Variants in CDK12 observed in about 807,000 individuals in gnomAD.
The protein encoded by CDK12 is cyclin dependent kinase 12, also known as cyclin-dependent kinase 12.
In CDK12, 17 loss-of-function variants were observed where a neutral mutation model predicts 133.8. That is an observed-to-expected ratio of 0.13 (90% CI 0.09 to 0.19). CDK12 has a LOEUF of 0.19. Ranked by LOEUF, CDK12 falls within the 10% of genes least tolerant of loss-of-function variation. The probability of loss-of-function intolerance (pLI) is 1.00; values close to 1 mark genes in which losing one functional copy is unlikely to be tolerated. For missense variants in CDK12, 1,508 were observed against 1,818.7 expected (o/e 0.83, Z 3.11); for synonymous variants, 694 against 683.6 (o/e 1.02, Z -0.24).
At chr17:39,541,195 G>C (rs899705195) in intron 1 of CDK12, among the ~76,000 whole-genome samples, 5 of 144,656 alleles carry the variant, frequency 3.5e-5, no homozygotes, top group African/African-American at 1.3e-4. Flanking sequence ...ACTTATGGGG[G>C]GCTCCCTAGG....
chr17:39,508,069 ATT>A (rs1193620604), intron 6 of CDK12, among the ~76,000 whole-genome samples: 1 of 151,886 alleles, frequency 6.6e-6, no homozygotes, highest in South Asian at 2.1e-4. Flanking sequence ...TGGATTTCAG[ATT>A]TTTTTTAGAT....
rs776402528 is a variant in CDK12 at position 39,530,668 on chromosome 17, G to T, written c.3825G>T (p.Pro1275=). 2 of 1,507,692 alleles carry T rather than the reference G, an allele frequency of 1.3e-6. No individual in the cohort carries two copies. The highest frequency in any genetic ancestry group is 1.2e-5 in the South Asian group (1 of 86,146). The allele number at this position is 1,507,692 out of a possible 1,614,324, so 93.4% of individuals were successfully genotyped here. ...RPPEPPGPPP[P]PPPPPLVEGD... The stretch of plus-strand genomic sequence containing the variant: ...CTGAGCCCCCCGGACCTCCACCGCC[G>T]CCACCTCCACCCCCTCTGGTTGAAG... The change falls in exon 14 of 14, where the codon CCG becomes CCT. Residue 1275 remains proline, a synonymous_variant. Coordinates refer to ENST00000447079, the MANE Select transcript of CDK12 (RefSeq NM_016507.4).
At chr17:39,524,353 A>C (rs967464914) in intron 11 of CDK12, among the ~76,000 whole-genome samples, 1 of 152,228 alleles carries the variant, frequency 6.6e-6, no homozygotes, top group Non-Finnish European at 1.5e-5. Context: ...AACTTGACCA[A>C]TACTGTTCTC....
chr17:39,495,227 G>A (rs935764025), intron 5 of CDK12, among the ~76,000 whole-genome samples: 5 of 151,696 alleles, frequency 3.3e-5, no homozygotes, highest in African/African-American at 4.8e-5. Flanking sequence ...TCAGGCATGC[G>A]CCATCATTCC....
intron 7 of CDK12, among the ~76,000 whole-genome samples, chr17:39,510,957 C>T (rs368053789): frequency 1.1e-4 from 15 of 133,052 alleles, no homozygotes; most frequent in East Asian, 5.1e-4. Context: ...GGCTCACGCC[C>T]GTAATCCCAG....
intron 11 of CDK12, among the ~76,000 whole-genome samples, chr17:39,524,457 T>C: frequency 6.6e-6 from 1 of 152,240 alleles, no homozygotes; most frequent in Non-Finnish European, 1.5e-5. Flanking sequence ...CCTTTCTCAC[T>C]ATGTAACTTT....
chr17:39,496,263 G>A (rs190746228), intron 5 of CDK12, among the ~76,000 whole-genome samples: 28 of 152,192 alleles, frequency 1.8e-4, no homozygotes, highest in Non-Finnish European at 2.8e-4. Flanking sequence ...ACAAAGCTGA[G>A]ATTAAAGGTT....
chr17:39,467,042 G>T (rs1436522644), intron 1 of CDK12, among the ~76,000 whole-genome samples: 1 of 151,822 alleles, frequency 6.6e-6, no homozygotes, highest in Non-Finnish European at 1.5e-5. Context: ...GCAGTGGTGC[G>T]ATCTCAGCTC....
At position 39,532,007 on chromosome 17, in the gene CDK12, A is replaced by G. The variant is rs1334518407; in HGVS notation, c.*691A>G. On this transcript the variant is annotated 3_prime_UTR_variant, in exon 14 of 14. Transcript: ENST00000447079. ...AAAAGATACGCCCTTCTCCCTGCACATAAAGCAGGTTGTAGAACGTGGCAT... is the reference window on the plus strand; with the variant it reads ...AAAAGATACGCCCTTCTCCCTGCACGTAAAGCAGGTTGTAGAACGTGGCAT... The G allele has an allele frequency of 1.3e-5, 3 of 233,724 alleles. No individual in the cohort carries two copies. Among genetic ancestry groups the G allele is most frequent in the African/African-American group, 2.2e-5 (1 of 45,330 alleles). 14.5% of individuals were successfully genotyped at this position (233,724 alleles called of 1,614,324 possible). A position where few individuals can be genotyped will look rare whatever the true frequency, so the allele number is the denominator to read the frequency against.
chr17:39,497,707 A>G (rs1273377883), intron 5 of CDK12, among the ~76,000 whole-genome samples: 2 of 151,668 alleles, frequency 1.3e-5, no homozygotes, highest in African/African-American at 2.4e-5. Flanking sequence ...GGCTCAAGCA[A>G]TCCTCCATGC....
intron 3 of CDK12, among the ~76,000 whole-genome samples, chr17:39,561,302 T>C (rs979869435): frequency 1.3e-5 from 2 of 152,206 alleles, no homozygotes; most frequent in Non-Finnish European, 2.9e-5. Context: ...AAGGGAGATA[T>C]AGCACTTTTT....
chr17:39,496,298 A>G (rs1051736231), intron 5 of CDK12, among the ~76,000 whole-genome samples: 1 of 152,166 alleles, frequency 6.6e-6, no homozygotes, highest in African/African-American at 2.4e-5. Flanking sequence ...AACTTGTCAT[A>G]AGCAATTTCT....
At chr17:39,506,514 C>G (rs11078906) in intron 6 of CDK12, among the ~76,000 whole-genome samples, 2 of 151,466 alleles carry the variant, frequency 1.3e-5, no homozygotes, top group African/African-American at 4.8e-5. Flanking sequence ...CCACGCCTGG[C>G]CAATTATATG....
upstream of CDK12, chr17:39,549,710 C>G (rs186760780): frequency 6.6e-6 from 1 of 151,804 alleles, no homozygotes; most frequent in African/African-American, 2.4e-5. Flanking sequence ...TTTACATGTC[C>G]CCCTATAAGG....
upstream of CDK12, among the ~76,000 whole-genome samples, chr17:39,548,638 A>G (rs529017230): frequency 6.6e-6 from 1 of 152,334 alleles, no homozygotes; most frequent in East Asian, 1.9e-4. Flanking sequence ...TTGCAGCCTC[A>G]GTGGCTGGAA....
rs1212956643 is a variant in CDK12 at position 39,461,527 on chromosome 17, GTGA to G, written c.-544_-542del. ...TAATCTAGTGTGTGACTGGGTCTGT[GTGA>G]GGGAGAGAGTGTGTGTGGTGTGGAG... is the stretch of plus-strand genomic sequence containing the variant. On this transcript the variant is annotated 5_prime_UTR_variant, in exon 1 of 14. Transcript: ENST00000447079. The G allele has an allele frequency of 1.2e-5, 3 of 242,828 alleles. No individual in the cohort carries two copies. The East Asian group carries it at 1.8e-4, about 14-fold the overall frequency. The allele number at this position is 242,828 out of a possible 1,614,324, so 15.0% of individuals were successfully genotyped here.
chr17:39,531,431 T>C lies in CDK12; in HGVS notation c.*115T>C. On this transcript the variant is annotated 3_prime_UTR_variant, in exon 14 of 14. Transcript: ENST00000447079. Reference sequence around the variant, plus strand: ...GAGGTAATCATCTGCATTTGGCTACTGCAAAGCTGTCCGTTGTATTCCTTG... The same window carrying C: ...GAGGTAATCATCTGCATTTGGCTACCGCAAAGCTGTCCGTTGTATTCCTTG... The C allele has an allele frequency of 9.5e-7, 1 of 1,047,838 alleles. No homozygotes were observed. The highest frequency in any genetic ancestry group is 1.3e-6 in the Non-Finnish European group (1 of 784,290). The allele number at this position is 1,047,838 out of a possible 1,614,324, so 64.9% of individuals were successfully genotyped here.
At chr17:39,518,757 C>T (rs1478262704) in intron 10 of CDK12, among the ~76,000 whole-genome samples, 1 of 151,338 alleles carries the variant, frequency 6.6e-6, no homozygotes, top group Non-Finnish European at 1.5e-5. Flanking sequence ...TGGCATTTCA[C>T]CATGTTGGCC....
At chr17:39,540,794 C>T (rs190127028) in intron 1 of CDK12, among the ~76,000 whole-genome samples, 58 of 152,270 alleles carry the variant, frequency 3.8e-4, no homozygotes, top group African/African-American at 1.3e-3. Context: ...GGGGTCTTCC[C>T]GAATGAGCCC....
Sources: gnomAD v4.1 joint callset for allele counts (sites outside exome capture counted in the v4.1 genomes callset) on GRCh38, gnomAD v4.1.1 for gene constraint, MANE v1.5 for transcripts, NCBI Gene and HGNC (gene_info 2026-07-23, HGNC 2026-07-21) for gene names.